The following XKR9 variants were observed in gnomAD, a reference collection of about 807,000 sequenced individuals.
XKR9 encodes XK-related protein 9.
Under a neutral mutation model 32.0 loss-of-function variants are expected in XKR9, and 32 were observed. The ratio of observed to expected loss-of-function variants is 1.00; its 90% confidence interval spans 0.76 to 1.34. XKR9 has a LOEUF of 1.34. Among genes scored for constraint, XKR9 ranks in the 40% most tolerant of loss-of-function variants. The pLI, the probability that XKR9 is intolerant of heterozygous loss-of-function variation, is 0.00. For synonymous variants in XKR9, 168 were observed against 143.4 expected (o/e 1.17, Z -1.22); for missense variants, 546 against 429.7 (o/e 1.27, Z -2.39).
rs555545024 is a variant in XKR9, at chr8:70,680,145, CTTT to C, written c.-278-632_-278-630del. On this transcript the variant is annotated intron_variant, in intron 2 of 4. Coordinates refer to ENST00000408926, the MANE Select transcript of XKR9 (RefSeq NM_001011720.2). Reference sequence around the variant, plus strand: ...ACAGTATTTATCTTTCTGGGATTTGCTTTTTTCACTTAAAACATCTTGAAGATC... The same window carrying C: ...ACAGTATTTATCTTTCTGGGATTTGCTTTCACTTAAAACATCTTGAAGATC... Among the ~76,000 whole-genome samples the C allele has an allele frequency of 3.4e-3, 514 of 152,084 alleles. 4 individuals carry two copies. The highest frequency in any genetic ancestry group is 4.7e-3 in the Non-Finnish European group (316 of 67,938).
intron 2 of XKR9, among the ~76,000 whole-genome samples, chr8:70,757,331 G>A (rs973727385): frequency 1.3e-5 from 2 of 151,116 alleles, no homozygotes; most frequent in African/African-American, 2.4e-5. Context: ...CTGTTCCTTT[G>A]CATGCATAAT....
At chr8:70,704,581 A>T (rs771556627) in intron 3 of XKR9, among the ~76,000 whole-genome samples, 2 of 152,182 alleles carry the variant, frequency 1.3e-5, no homozygotes, top group African/African-American at 4.8e-5. Context: ...GTGGAGCCAG[A>T]ATTTGAACCA....
the XKR9 span, among the ~76,000 whole-genome samples, chr8:70,877,403 G>C: frequency 8.5e-5 from 13 of 152,104 alleles, no homozygotes; most frequent in African/African-American, 3.1e-4. Flanking sequence ...AAACCTAAGA[G>C]ATGAATATTT....
chr8:70,734,240 T>A lies in XKR9; in HGVS notation c.938T>A (p.Phe313Tyr). The A allele has an allele frequency of 6.2e-7, 1 of 1,613,148 alleles. No homozygotes were observed. Among genetic ancestry groups the A allele is most frequent in the Non-Finnish European group, 8.5e-7 (1 of 1,179,452 alleles). ...TTCTGGGTTTGCCCCCTCACTATTT[T>A]TAATCCAGACTATTTTATACCTATC... ...TVFWVCPLTI[F>Y]NPDYFIPISI... The change falls in exon 5 of 5, where the codon TTT (phenylalanine) becomes TAT (tyrosine). Residue 313 changes from phenylalanine to tyrosine, a missense_variant. Physicochemically the swap from Phe to Tyr is conservative, Grantham distance 22 (BLOSUM62 3). Coordinates refer to ENST00000408926, the MANE Select transcript of XKR9 (RefSeq NM_001011720.2).
intron 4 of XKR9, among the ~76,000 whole-genome samples, chr8:70,715,404 G>A (rs937879005): frequency 3.3e-5 from 5 of 152,148 alleles, no homozygotes; most frequent in African/African-American, 4.8e-5. Context: ...ATAAAAATAT[G>A]TGACAAGGTG....
At chr8:70,785,952 G>A (rs1305931698) in intron 2 of XKR9, among the ~76,000 whole-genome samples, 1 of 151,844 alleles carries the variant, frequency 6.6e-6, no homozygotes, top group Non-Finnish European at 1.5e-5. Flanking sequence ...GCCTCCAAAA[G>A]TGCTGGGATT....
intron 3 of XKR9, among the ~76,000 whole-genome samples, chr8:70,684,915 A>T (rs1180371625): frequency 6.8e-6 from 1 of 148,106 alleles, no homozygotes; most frequent in Non-Finnish European, 1.5e-5. Context: ...AACTAGTTCA[A>T]CCATTGTGGA....
the XKR9 span, among the ~76,000 whole-genome samples, chr8:70,922,892 G>T: frequency 6.6e-6 from 1 of 152,194 alleles, no homozygotes; most frequent in South Asian, 2.1e-4. Flanking sequence ...ACTCAAAAGG[G>T]TTTACAGATG....
chr8:70,741,638 CATTGATGAATGG>C (rs1226209437), intron 2 of XKR9, among the ~76,000 whole-genome samples: 6 of 152,034 alleles, frequency 3.9e-5, no homozygotes, highest in East Asian at 1.9e-4. Context: ...TCCATTCATT[CATTGATGAATGG>C]ATTGATGAAT....
At chr8:70,814,593 C>G in the XKR9 span, among the ~76,000 whole-genome samples, 2 of 151,806 alleles carry the variant, frequency 1.3e-5, no homozygotes, top group Admixed American at 1.3e-4. Flanking sequence ...AAGAACATAT[C>G]TAAAAATAAT....
the XKR9 span, among the ~76,000 whole-genome samples, chr8:70,935,208 TAC>T: frequency 8.9e-5 from 13 of 145,476 alleles, no homozygotes; most frequent in African/African-American, 3.3e-4. Flanking sequence ...TATACATATA[TAC>T]ACACACACAC....
the XKR9 span, among the ~76,000 whole-genome samples, chr8:71,063,750 G>T: frequency 1.3e-5 from 2 of 152,150 alleles, no homozygotes; most frequent in East Asian, 1.9e-4. Flanking sequence ...TCCTGAAGGT[G>T]CATTTTTGCA....
At chr8:70,822,140 T>TAAC in the XKR9 span, among the ~76,000 whole-genome samples, 212 of 152,326 alleles carry the variant, frequency 1.4e-3, no homozygotes, top group African/African-American at 5.0e-3. Flanking sequence ...TTAATAGAGC[T>TAAC]AACCCATTAC....
intron 2 of XKR9, among the ~76,000 whole-genome samples, chr8:70,762,011 C>T (rs965379222): frequency 7.2e-5 from 11 of 151,894 alleles, no homozygotes; most frequent in Non-Finnish European, 1.3e-4. Context: ...TAGTTGTAGG[C>T]GTGCGGTCTT....
At chr8:70,808,684 G>C in the XKR9 span, among the ~76,000 whole-genome samples, 1 of 152,230 alleles carries the variant, frequency 6.6e-6, no homozygotes, top group Non-Finnish European at 1.5e-5. Context: ...TACACCCACG[G>C]AGCCTTGCTC....
At chr8:70,814,705 C>T in the XKR9 span, among the ~76,000 whole-genome samples, 46 of 152,290 alleles carry the variant, frequency 3.0e-4, no homozygotes, top group African/African-American at 1.1e-3. Flanking sequence ...CCTATTTTCA[C>T]CACTGTTGTT....
the XKR9 span, among the ~76,000 whole-genome samples, chr8:70,968,868 A>G: frequency 6.6e-6 from 1 of 152,172 alleles, no homozygotes; most frequent in East Asian, 1.9e-4. Context: ...CCGCATGCTC[A>G]TGTAGGAGGT....
At chr8:70,976,300 G>C in the XKR9 span, among the ~76,000 whole-genome samples, 1 of 152,148 alleles carries the variant, frequency 6.6e-6, no homozygotes, top group Admixed American at 6.5e-5. Context: ...CCTGTGTCTT[G>C]TGCCAGTTTT....
At chr8:70,910,129 T>C in the XKR9 span, among the ~76,000 whole-genome samples, 3 of 151,122 alleles carry the variant, frequency 2.0e-5, no homozygotes, top group Non-Finnish European at 4.4e-5. Flanking sequence ...TTCTCATTGT[T>C]GCTATTGTAC....
Sources: allele counts gnomAD v4.1 joint callset (sites outside exome capture counted in the v4.1 genomes callset), GRCh38; gene constraint gnomAD v4.1.1; transcripts MANE v1.5; gene names NCBI Gene and HGNC (gene_info 2026-07-23, HGNC 2026-07-21).